Variants in ALOX12 observed in about 807,000 individuals in gnomAD.
ALOX12 encodes the protein polyunsaturated fatty acid lipoxygenase ALOX12.
A neutral mutation model predicts 85.5 loss-of-function variants in ALOX12; 62 were observed. The observed-to-expected ratio is 0.73, with a 90% confidence interval of 0.59 to 0.90. ALOX12 has a LOEUF of 0.90. Ranked by LOEUF, ALOX12 falls within the 40% of genes least tolerant of loss-of-function variation. ALOX12 has a pLI of 0.00. For missense variants in ALOX12, 751 were observed against 856.5 expected (o/e 0.88, Z 1.54); for synonymous variants, 299 against 332.7 (o/e 0.90, Z 1.10).
At chr17:7,004,675 C>G (rs1383726239) in intron 8 of ALOX12, among the ~76,000 whole-genome samples, 1 of 152,046 alleles carries the variant, frequency 6.6e-6, no homozygotes, top group African/African-American at 2.4e-5. Flanking sequence ...TATAGCTCTT[C>G]TAGTTCTGAC....
intron 8 of ALOX12, among the ~76,000 whole-genome samples, chr17:7,003,886 C>T (rs1908840403): frequency 6.6e-6 from 1 of 151,998 alleles, no homozygotes; most frequent in African/African-American, 2.4e-5. Flanking sequence ...CCAAAGGTGT[C>T]ATTGGGGTCA....
Position 6,999,460 on chromosome 17 carries a change from A to G in ALOX12, c.801A>G (p.Glu267=), listed in dbSNP as rs754414269. Residue 267 remains glutamate, a synonymous_variant, in exon 6 of 14, where the codon GAA becomes GAG. Coordinates refer to ENST00000251535, the MANE Select transcript of ALOX12 (RefSeq NM_000697.3). ...MEELQAQLEK[E]LQNGSLFEAD... The stretch of plus-strand genomic sequence containing the variant: ...AGCTTCAGGCTCAACTGGAGAAAGA[A>G]CTTCAGGTACCTCTCCTTCCCCTGC... 2 of 1,614,010 alleles carry G rather than the reference A, an allele frequency of 1.2e-6. No individual in the cohort carries two copies. The highest frequency in any genetic ancestry group is 2.2e-5 in the East Asian group (1 of 44,874).
At chr17:7,005,739 A>G in intron 9 of ALOX12, 119 bp from the exon 10 acceptor site, 1 of 1,121,416 alleles carries the variant, frequency 8.9e-7, no homozygotes, top group Non-Finnish European at 1.3e-6. Flanking sequence ...TCAGCCTCCC[A>G]AAGTGCTGTA....
chr17:6,998,829 G>T lies in ALOX12; in HGVS notation c.534G>T (p.Leu178=). 6.2e-7 allele frequency: 1 copy of T among 1,614,210 alleles called. No homozygotes were observed. The highest frequency in any genetic ancestry group is 2.2e-5 in the East Asian group (1 of 44,882). The change falls in exon 4 of 14, where the codon CTG becomes CTT. Residue 178 remains leucine, a synonymous_variant. Coordinates refer to ENST00000251535, the MANE Select transcript of ALOX12 (RefSeq NM_000697.3). The part of the protein sequence containing the change: ...EEKRLDFEWT[L]KAGALEMALK... ...AGAGGCTGGACTTTGAATGGACACTGAAGGCAGGGTGAGAAAAAGGCTAGA... is the reference window on the plus strand; with the variant it reads ...AGAGGCTGGACTTTGAATGGACACTTAAGGCAGGGTGAGAAAAAGGCTAGA...
Position 6,999,351 on chromosome 17 carries a change from A to G in ALOX12, c.692A>G (p.Gln231Arg). ...CWQDDELFSY[Q>R]FLNGANPMLL... ...CAGGATGATGAGTTGTTCAGCTACC[A>G]GTTCCTCAATGGTGCCAACCCCATG... Residue 231 changes from glutamine (Q) to arginine (R), a missense_variant, in exon 6 of 14, where the codon CAG becomes CGG. Coordinates refer to ENST00000251535, the MANE Select transcript of ALOX12 (RefSeq NM_000697.3). 1.9e-6 allele frequency: 3 copies of G among 1,614,230 alleles called. No homozygotes were observed. Among genetic ancestry groups the G allele is most frequent in the South Asian group, 2.2e-5 (2 of 91,088 alleles).
Position 7,010,616 on chromosome 17 carries a change from G to C in ALOX12, c.*193G>C, listed in dbSNP as rs532096050. 4 of 645,924 alleles carry C rather than the reference G, an allele frequency of 6.2e-6. No individual in the cohort carries two copies. Among genetic ancestry groups the C allele is most frequent in the Non-Finnish European group, 1.0e-5 (4 of 401,350 alleles). The allele number at this position is 645,924 out of a possible 1,614,324, so 40.0% of individuals were successfully genotyped here. On this transcript the variant is annotated 3_prime_UTR_variant, in exon 14 of 14. Transcript: ENST00000251535. ...CTGCAAAGACTAGATCCTTTTTTAC[G>C]CTTTGCAGACCGCATAGTCACTGTC...
intron 5 of ALOX12, 64 bp from the exon 6 acceptor site, chr17:6,999,242 T>A: frequency 6.2e-7 from 1 of 1,603,020 alleles, no homozygotes; most frequent in Non-Finnish European, 8.5e-7. Context: ...ACCCCTGGGG[T>A]AGATTTTGGA....
chr17:6,997,310 C>T (rs72832799), intron 2 of ALOX12, among the ~76,000 whole-genome samples: 2,143 of 151,804 alleles, frequency 0.014, 18 homozygotes, highest in Non-Finnish European at 0.019. Flanking sequence ...GGAGTTGCAG[C>T]GATCCAGGAA....
chr17:7,009,958 G>A lies in ALOX12; in HGVS notation c.1644G>A (p.Leu548=). 1 of 1,613,612 alleles carries A rather than the reference G, an allele frequency of 6.2e-7. No individual in the cohort carries two copies. The highest frequency in any genetic ancestry group is 8.5e-7 in the Non-Finnish European group (1 of 1,179,606). The stretch of plus-strand genomic sequence containing the variant: ...AGGGTTACAGTTTCTTCCTCCAGCT[G>A]GACTGGTATGCCTGGGTCCCTAATG... The part of the protein sequence containing the change: ...AQHAAINQGQ[L]DWYAWVPNAP... The change falls in exon 13 of 14, where the codon CTG becomes CTA. Residue 548 remains leucine (L), a splice_region_variant and synonymous_variant. Coordinates refer to ENST00000251535, the MANE Select transcript of ALOX12 (RefSeq NM_000697.3).
intron 9 of ALOX12, 116 bp downstream of exon 9, chr17:7,005,459 CTTTTATACCCATGTCTTTTTT>C: frequency 1.4e-6 from 1 of 716,210 alleles, no homozygotes; most frequent in Non-Finnish European, 2.3e-6. Context: ...GAACCTGTCC[CTTTTATACCCATGTCTTTTTT>C]TTTTTTTTTT....
intron 2 of ALOX12, among the ~76,000 whole-genome samples, chr17:6,998,220 G>C (rs1908543454): frequency 6.6e-6 from 1 of 152,058 alleles, no homozygotes; most frequent in Admixed American, 6.6e-5. Flanking sequence ...TATTGATGAA[G>C]TAAGGCCAGG....
At position 6,996,177 on chromosome 17, in the gene ALOX12, C is replaced by T; in HGVS notation, c.60C>T (p.Asn20=). 1.6e-6 allele frequency: 2 copies of T among 1,253,574 alleles called. No individual in the cohort carries two copies. Among genetic ancestry groups the T allele is most frequent in the Non-Finnish European group, 2.0e-6 (2 of 992,040 alleles). The allele number at this position is 1,253,574 out of a possible 1,614,324, so 77.7% of individuals were successfully genotyped here. A position where few individuals can be genotyped will look rare whatever the true frequency, so the allele number is the denominator to read the frequency against. The change falls in exon 1 of 14, where the codon AAC becomes AAT. Residue 20 remains asparagine, a synonymous_variant. Transcript: ENST00000251535. ...TGAWLFSGSY[N]RVQLWLVGTR... Reference sequence around the variant, plus strand: ...CCTGGCTCTTCTCCGGGTCGTACAACCGCGTGCAGCTTTGGCTGGTCGGGA... The same window carrying T: ...CCTGGCTCTTCTCCGGGTCGTACAATCGCGTGCAGCTTTGGCTGGTCGGGA...
rs1370389069 is a variant in ALOX12 at position 7,004,150 on chromosome 17, A to ATTT, written c.1162-1106_1162-1105insTTT. 4.2e-4 allele frequency among the ~76,000 whole-genome samples: 48 copies of ATTT among 115,488 alleles called. 1 individual carries two copies. Among genetic ancestry groups the ATTT allele is most frequent in the Non-Finnish European group, 6.6e-4 (37 of 56,282 alleles). 75.8% of individuals were successfully genotyped at this position (115,488 alleles called of 152,430 possible). ...TTTTAAATAAATAATTAAAATTTAA[A>ATTT]TAAATTTAAATTTAAAATTTAAATT... is the stretch of plus-strand genomic sequence containing the variant. On this transcript the variant is annotated intron_variant, in intron 8 of 13. Coordinates refer to ENST00000251535, the MANE Select transcript of ALOX12 (RefSeq NM_000697.3).
chr17:6,997,127 T>A (rs537773303), intron 2 of ALOX12, 100 bp downstream of exon 2: 5 of 1,442,086 alleles, frequency 3.5e-6, no homozygotes, highest in Admixed American at 2.6e-5. Flanking sequence ...TTAGAGGATG[T>A]ATGGGCCCAG....
At chr17:7,005,809 G>C in intron 9 of ALOX12, 49 bp from the exon 10 acceptor site, 1 of 1,580,804 alleles carries the variant, frequency 6.3e-7, no homozygotes, top group Non-Finnish European at 8.6e-7. Flanking sequence ...AGATGTGTTG[G>C]TTCTCCAGCC....
chr17:7,001,454 G>A, intron 7 of ALOX12, 148 bp from the exon 8 acceptor site: 1 of 800,684 alleles, frequency 1.2e-6, no homozygotes, highest in Non-Finnish European at 2.0e-6. Context: ...CAGCTAGCGA[G>A]CGGCAGGCTG....
chr17:7,007,490 C>G (rs1464022984), intron 11 of ALOX12, among the ~76,000 whole-genome samples: 2 of 152,188 alleles, frequency 1.3e-5, no homozygotes, highest in East Asian at 1.9e-4. Context: ...TGGAGGGAGC[C>G]TCTCCCTGGG....
intron 9 of ALOX12, 147 bp downstream of exon 9, chr17:7,005,490 T>TC (rs1908993785): frequency 1.4e-6 from 1 of 710,806 alleles, no homozygotes; most frequent in Non-Finnish European, 2.3e-6. Flanking sequence ...TTTTTTTTTT[T>TC]TTTTTTTTGA....
At chr17:6,997,815 C>T (rs951681270) in intron 2 of ALOX12, among the ~76,000 whole-genome samples, 1 of 152,000 alleles carries the variant, frequency 6.6e-6, no homozygotes, top group Admixed American at 6.6e-5. Context: ...CCTCCTTGGC[C>T]TCTCAAAGTG....
Sources: gnomAD v4.1 joint callset for allele counts (sites outside exome capture counted in the v4.1 genomes callset) on GRCh38, gnomAD v4.1.1 for gene constraint, MANE v1.5 for transcripts, NCBI Gene and HGNC (gene_info 2026-07-23, HGNC 2026-07-21) for gene names.